The following DPYD variants were observed in gnomAD, a reference collection of about 807,000 sequenced individuals.
The protein encoded by DPYD is dihydropyrimidine dehydrogenase.
A neutral mutation model predicts 116.2 loss-of-function variants in DPYD; 109 were observed. The ratio of observed to expected loss-of-function variants is 0.94; its 90% CI spans 0.80 to 1.10. DPYD has a LOEUF of 1.10. Among genes scored for constraint, DPYD ranks in the 50% least tolerant of loss-of-function variants. The probability of loss-of-function intolerance (pLI) is 0.00; values close to 1 mark genes in which losing one functional copy is unlikely to be tolerated. For synonymous variants in DPYD, 440 were observed against 432.0 expected, an observed-to-expected ratio of 1.02 and a Z score of -0.23; for missense variants, 1,302 against 1,254.5, an observed-to-expected ratio of 1.04 and a Z score of -0.57.
chr1:97,412,979 G>T (rs183146661), intron 14 of DPYD, among the ~76,000 whole-genome samples: 1 of 152,268 alleles, frequency 6.6e-6, no homozygotes, highest in East Asian at 1.9e-4. Flanking sequence ...GTCCCCACAT[G>T]TCTCATAAAT....
intron 12 of DPYD, among the ~76,000 whole-genome samples, chr1:97,527,715 T>C (rs1240069811): frequency 4.0e-5 from 6 of 150,860 alleles, no homozygotes; most frequent in Non-Finnish European, 7.4e-5. Flanking sequence ...GATTATGTTG[T>C]TGGGAAAAAG....
At chr1:97,139,885 T>C (rs1654084114) in intron 20 of DPYD, among the ~76,000 whole-genome samples, 1 of 152,180 alleles carries the variant, frequency 6.6e-6, no homozygotes, top group Non-Finnish European at 1.5e-5. Flanking sequence ...GATTATGTAT[T>C]GATAGCCCAG....
chr1:97,847,593 C>T (rs1418765215), intron 2 of DPYD, among the ~76,000 whole-genome samples: 1 of 152,086 alleles, frequency 6.6e-6, no homozygotes, highest in African/African-American at 2.4e-5. Context: ...TATTTATTGA[C>T]TCTGATACTT....
intron 1 of DPYD, among the ~76,000 whole-genome samples, chr1:97,885,574 TAAC>T (rs1485389404): frequency 6.6e-6 from 1 of 152,078 alleles, no homozygotes; most frequent in Non-Finnish European, 1.5e-5. Context: ...AAAGTGGTAA[TAAC>T]AATGCTTTGT....
At chr1:97,466,940 T>TG (rs1201397809) in intron 13 of DPYD, among the ~76,000 whole-genome samples, 2 of 150,178 alleles carry the variant, frequency 1.3e-5, no homozygotes, top group African/African-American at 2.4e-5. Context: ...GGGCCTGCAG[T>TG]GGGGGGTGGA....
chr1:97,643,629 C>G (rs1188893039), intron 8 of DPYD, among the ~76,000 whole-genome samples: 2 of 152,112 alleles, frequency 1.3e-5, no homozygotes, highest in Non-Finnish European at 2.9e-5. Context: ...TAGACACATG[C>G]ACATGTATAT....
In DPYD at chr1:97,726,801, C is replaced by T. The variant is rs61303243; in HGVS notation, c.322-5130G>A. Among the ~76,000 whole-genome samples the T allele has an allele frequency of 5.4e-3, 821 of 151,348 alleles. 7 individuals are homozygous for T. The highest frequency in any genetic ancestry group is 0.019 in the African/African-American group (778 of 41,420). On this transcript the variant is annotated intron_variant, in intron 4 of 22. Transcript: ENST00000370192. Reference sequence around the variant, plus strand: ...GATTGTTTCATGGGCCCCAAATTAGCTTCAAGATTGCACATAAAATGATAT... The same window carrying T: ...GATTGTTTCATGGGCCCCAAATTAGTTTCAAGATTGCACATAAAATGATAT...
At chr1:97,287,257 G>A (rs188783007) in intron 18 of DPYD, among the ~76,000 whole-genome samples, 4,137 of 152,240 alleles carry the variant, frequency 0.027, 85 homozygotes, top group South Asian at 0.048. Context: ...CATGAACCAC[G>A]AATGCTGCTG....
chr1:97,854,809 T>C (rs575545079), intron 2 of DPYD, among the ~76,000 whole-genome samples: 1 of 152,204 alleles, frequency 6.6e-6, no homozygotes, highest in South Asian at 2.1e-4. Flanking sequence ...CAGGAGATTC[T>C]TGTGCCCATC....
At chr1:97,785,972 C>G (rs911166569) in intron 3 of DPYD, among the ~76,000 whole-genome samples, 10 of 151,136 alleles carry the variant, frequency 6.6e-5, no homozygotes, top group East Asian at 2.0e-4. Context: ...GGATTACAGG[C>G]TTGAGCCACC....
intron 10 of DPYD, among the ~76,000 whole-genome samples, chr1:97,579,552 GCGTTA>G (rs1406954353): frequency 6.6e-6 from 1 of 152,230 alleles, no homozygotes; most frequent in Non-Finnish European, 1.5e-5. Context: ...ACCACATGCA[GCGTTA>G]CTGTTTAAAT....
At chr1:97,593,132 A>T in intron 10 of DPYD, 86 bp downstream of exon 10, 1 of 1,490,182 alleles carries the variant, frequency 6.7e-7, no homozygotes, top group Non-Finnish European at 9.3e-7. Context: ...GACAATTTCA[A>T]CATTCTAGCG....
At chr1:97,081,121 C>G (rs115251121) in intron 22 of DPYD, among the ~76,000 whole-genome samples, 2,086 of 132,118 alleles carry the variant, frequency 0.016, 35 homozygotes, top group African/African-American at 0.055. Flanking sequence ...AACTGTGGAA[C>G]TAGGAAGAAA....
intron 3 of DPYD, among the ~76,000 whole-genome samples, chr1:97,757,114 G>A (rs1267518626): frequency 5.3e-5 from 8 of 152,090 alleles, no homozygotes; most frequent in East Asian, 3.8e-4. Context: ...TTCATTCAAC[G>A]AATATTGTTT....
intron 2 of DPYD, among the ~76,000 whole-genome samples, chr1:97,862,227 C>T (rs1024120647): frequency 6.6e-5 from 10 of 151,770 alleles, no homozygotes; most frequent in African/African-American, 2.2e-4. Context: ...TAAAAACAAA[C>T]TCATAAAAGC....
intron 2 of DPYD, among the ~76,000 whole-genome samples, chr1:97,865,141 C>T (rs1671311818): frequency 6.6e-6 from 1 of 151,810 alleles, no homozygotes; most frequent in Non-Finnish European, 1.5e-5. Flanking sequence ...GAGAATCAAA[C>T]AGTATAAGAC....
intron 1 of DPYD, among the ~76,000 whole-genome samples, chr1:97,908,332 C>CAT (rs1157650178): frequency 6.6e-6 from 1 of 152,016 alleles, no homozygotes. Context: ...AGGCGTAAGT[C>CAT]ATCGTACCTG....
At chr1:97,451,045 G>C (rs966573196) in intron 13 of DPYD, among the ~76,000 whole-genome samples, 1 of 152,018 alleles carries the variant, frequency 6.6e-6, no homozygotes, top group South Asian at 2.1e-4. Context: ...TTTAGTTAAG[G>C]ATTTATCAGA....
chr1:97,085,638 GC>G (rs773967533), intron 21 of DPYD, among the ~76,000 whole-genome samples: 1 of 152,116 alleles, frequency 6.6e-6, no homozygotes, highest in Non-Finnish European at 1.5e-5. Flanking sequence ...TAATCCCAAA[GC>G]CTCCAGGTAG....
Sources: gnomAD v4.1 joint callset for allele counts (sites outside exome capture counted in the v4.1 genomes callset) on GRCh38, gnomAD v4.1.1 for gene constraint, MANE v1.5 for transcripts, NCBI Gene and HGNC (gene_info 2026-07-23, HGNC 2026-07-21) for gene names.